VWA8: variants seen among roughly 807,000 people sequenced by gnomAD.
The protein encoded by VWA8 is von Willebrand factor A domain containing 8, also known as von Willebrand factor A domain-containing protein 8.
VWA8 carries 221 observed loss-of-function variants against 241.5 expected under a neutral mutation model. The ratio of observed to expected loss-of-function variants is 0.91; its 90% CI spans 0.82 to 1.02. The LOEUF (loss-of-function observed/expected upper bound fraction) is 1.02, where lower values mean the gene tolerates loss of function less well. Among genes scored for constraint, VWA8 ranks in the 50% least tolerant of loss-of-function variants. The pLI is 0.00. For missense variants in VWA8, 2,322 were observed against 2,328.7 expected (o/e 1.00, Z 0.06); for synonymous variants, 852 against 827.1 (o/e 1.03, Z -0.52).
chr13:41,576,398 T>C (rs1315064987), intron 42 of VWA8, among the ~76,000 whole-genome samples: 1 of 152,222 alleles, frequency 6.6e-6, no homozygotes, highest in Non-Finnish European at 1.5e-5. Context: ...AATGCATTTT[T>C]CCCCCTCAAC....
intron 16 of VWA8, among the ~76,000 whole-genome samples, chr13:41,811,756 C>G (rs1229403365): frequency 6.6e-6 from 1 of 152,032 alleles, no homozygotes; most frequent in Non-Finnish European, 1.5e-5. Flanking sequence ...CTAAAATAGC[C>G]AAAAAGAGTT....
chr13:41,927,044 C>T (rs957211629), intron 2 of VWA8: 1 of 385,726 alleles, frequency 2.6e-6, no homozygotes, highest in Non-Finnish European at 5.1e-6. Context: ...CTTTGAGCTG[C>T]TTGTCATGAA....
At chr13:41,801,827 G>T (rs1034893821) in intron 17 of VWA8, among the ~76,000 whole-genome samples, 2 of 152,214 alleles carry the variant, frequency 1.3e-5, no homozygotes, top group African/African-American at 2.4e-5. Flanking sequence ...ATATGAACCA[G>T]TATTCAAATC....
chr13:41,573,486 A>AAAATATATATAT, intron 43 of VWA8, among the ~76,000 whole-genome samples: 17 of 113,600 alleles, frequency 1.5e-4, no homozygotes, highest in Non-Finnish European at 2.8e-4. Context: ...AAAAAAAAAA[A>AAAATATATATAT]ATATATATAT....
chr13:41,804,324 G>A (rs2137964936), intron 17 of VWA8, among the ~76,000 whole-genome samples: 1 of 152,214 alleles, frequency 6.6e-6, no homozygotes, highest in Non-Finnish European at 1.5e-5. Context: ...ACTTCTGAGT[G>A]GAAACTTTAC....
chr13:41,579,155 C>T (rs957748572), intron 42 of VWA8, among the ~76,000 whole-genome samples: 7 of 152,138 alleles, frequency 4.6e-5, no homozygotes, highest in African/African-American at 1.4e-4. Flanking sequence ...CTTTATTATG[C>T]GGCCACATTG....
intron 37 of VWA8, among the ~76,000 whole-genome samples, chr13:41,639,326 A>C (rs2139680209): frequency 6.6e-6 from 1 of 152,330 alleles, no homozygotes; most frequent in South Asian, 2.1e-4. Context: ...TTTTGGACAA[A>C]CTGCAAATAT....
chr13:41,710,091 G>C (rs1242824287), intron 26 of VWA8, among the ~76,000 whole-genome samples: 1 of 152,002 alleles, frequency 6.6e-6, no homozygotes, highest in African/African-American at 2.4e-5. Context: ...AAGAATGCTT[G>C]GTTATATTAT....
At chr13:41,767,687 T>G (rs2045788670) in intron 20 of VWA8, among the ~76,000 whole-genome samples, 1 of 152,216 alleles carries the variant, frequency 6.6e-6, no homozygotes, top group Admixed American at 6.5e-5. Context: ...CATTACTAGT[T>G]TGCATGACTC....
At chr13:41,640,127 T>C (rs773678408) in intron 37 of VWA8, among the ~76,000 whole-genome samples, 3 of 152,174 alleles carry the variant, frequency 2.0e-5, no homozygotes, top group Non-Finnish European at 2.9e-5. Flanking sequence ...TCTTCTTAGA[T>C]ACAAAAGACA....
chr13:41,844,311 A>G (rs1031167590), intron 12 of VWA8, among the ~76,000 whole-genome samples: 2 of 152,152 alleles, frequency 1.3e-5, no homozygotes, highest in African/African-American at 4.8e-5. Flanking sequence ...AACCCTCAAC[A>G]ACCTAGGCAC....
intron 14 of VWA8, among the ~76,000 whole-genome samples, chr13:41,826,784 G>A (rs573849060): frequency 6.6e-6 from 1 of 152,272 alleles, no homozygotes; most frequent in Admixed American, 6.5e-5. Flanking sequence ...TAAGGCGGGA[G>A]GATGGTTTGA....
In VWA8 at chr13:41,701,376, G is replaced by C. The variant is rs145907751; in HGVS notation, c.3364+16C>G. 9.6e-6 allele frequency: 15 copies of C among 1,560,494 alleles called. No homozygotes were observed. Among genetic ancestry groups the C allele is most frequent in the Non-Finnish European group, 1.1e-5 (13 of 1,158,002 alleles). On this transcript the variant is annotated intron_variant, in intron 28 of 44. Transcript: ENST00000379310. ...CATGTGCAGGAAGGAAAGATCAAAA[G>C]AATAAGCAGACATACCATGTGATGT...
chr13:41,605,965 T>C (rs544447407), intron 39 of VWA8, among the ~76,000 whole-genome samples: 5 of 152,150 alleles, frequency 3.3e-5, no homozygotes, highest in Non-Finnish European at 7.4e-5. Context: ...ACCAGCACAC[T>C]AGAAGCTCCC....
At chr13:41,876,714 ATCTTT>A (rs1873916802) in intron 9 of VWA8, among the ~76,000 whole-genome samples, 1 of 152,156 alleles carries the variant, frequency 6.6e-6, no homozygotes, top group African/African-American at 2.4e-5. Context: ...GGAATGAATA[ATCTTT>A]TTTGAGTGAA....
intron 9 of VWA8, among the ~76,000 whole-genome samples, chr13:41,877,294 C>T (rs1199140278): frequency 6.6e-6 from 1 of 151,988 alleles, no homozygotes; most frequent in East Asian, 1.9e-4. Flanking sequence ...TAACATGTAT[C>T]ATCCTTCTTC....
At chr13:41,919,670 C>A (rs953302503) in intron 2 of VWA8, among the ~76,000 whole-genome samples, 1 of 152,196 alleles carries the variant, frequency 6.6e-6, no homozygotes, top group African/African-American at 2.4e-5. Context: ...CCCTTCAAGG[C>A]CTGAGCTGAA....
intron 16 of VWA8, among the ~76,000 whole-genome samples, chr13:41,815,944 G>A (rs1870671100): frequency 6.6e-6 from 1 of 152,192 alleles, no homozygotes; most frequent in Non-Finnish European, 1.5e-5. Flanking sequence ...AGTAAAGACA[G>A]CAGGAAAGCA....
At chr13:41,831,081 T>C (rs754105324) in intron 13 of VWA8, among the ~76,000 whole-genome samples, 14 of 152,252 alleles carry the variant, frequency 9.2e-5, no homozygotes, top group Non-Finnish European at 2.1e-4. Context: ...AAAAATCTTA[T>C]AATGAAATAA....
Sources: gnomAD v4.1 joint callset for allele counts (sites outside exome capture counted in the v4.1 genomes callset) on GRCh38, gnomAD v4.1.1 for gene constraint, MANE v1.5 for transcripts, NCBI Gene and HGNC (gene_info 2026-07-23, HGNC 2026-07-21) for gene names.